The following ITPR2 variants were observed in gnomAD, a reference collection of about 807,000 sequenced individuals.
ITPR2 encodes inositol 1,4,5-trisphosphate-gated calcium channel ITPR2.
Under a neutral mutation model 317.1 loss-of-function variants are expected in ITPR2, and 207 were observed. That is an observed-to-expected ratio of 0.65 (90% CI 0.58 to 0.73). The LOEUF (loss-of-function observed/expected upper bound fraction) is 0.73, where lower values mean the gene tolerates loss of function less well. Ranked by LOEUF, ITPR2 falls within the 30% of genes least tolerant of loss-of-function variation. The pLI, the probability that ITPR2 is intolerant of heterozygous loss-of-function variation, is 0.00. For missense variants in ITPR2, 2,613 were observed against 3,284.0 expected, an observed-to-expected ratio of 0.80 and a Z score of 4.99; for synonymous variants, 1,156 against 1,149.1, an observed-to-expected ratio of 1.01 and a Z score of -0.12.
intron 2 of ITPR2, among the ~76,000 whole-genome samples, chr12:26,780,683 T>C (rs903886858): frequency 3.9e-5 from 6 of 152,130 alleles, no homozygotes; most frequent in African/African-American, 1.4e-4. Flanking sequence ...GCATCCAATA[T>C]ATGGCACTGT....
chr12:26,470,362 G>A (rs867630695), intron 45 of ITPR2, among the ~76,000 whole-genome samples: 5 of 152,104 alleles, frequency 3.3e-5, no homozygotes, highest in Non-Finnish European at 5.9e-5. Context: ...AAATGATCTC[G>A]AGGTGCTGAA....
At position 26,428,080 on chromosome 12, in the gene ITPR2, A is replaced by G. The variant is rs141830513; in HGVS notation, c.6778T>C (p.Ser2260Pro). The part of the protein sequence containing the change: ...FGDDGDEGTL[S>P]PLFSVLLWIA... ...CAAAGAAGAACCGAGAACAATGGAG[A>G]AAGTGTACCTGTAAAATGTGGAAGA... The change falls in exon 49 of 57, where the codon TCT (serine) becomes CCT (proline). Residue 2260 changes from serine to proline, a missense_variant. Ser to Pro is a moderately conservative substitution (Grantham distance 74). Transcript: ENST00000381340. 5.2e-5 allele frequency: 83 copies of G among 1,592,768 alleles called. No individual in the cohort carries two copies. In the African/African-American group the frequency reaches 8.6e-4, roughly 16 times the overall value.
intron 55 of ITPR2, among the ~76,000 whole-genome samples, chr12:26,379,492 T>C: frequency 6.6e-6 from 1 of 152,228 alleles, no homozygotes; most frequent in Non-Finnish European, 1.5e-5. Context: ...AAAGTGCAGT[T>C]ATACCCAGTA....
chr12:26,713,573 A>C (rs928543227), intron 8 of ITPR2, among the ~76,000 whole-genome samples: 2 of 152,234 alleles, frequency 1.3e-5, no homozygotes, highest in African/African-American at 4.8e-5. Flanking sequence ...CCAACTATGC[A>C]TTTTGATGGA....
At chr12:26,367,047 G>T (rs1267754206) in intron 55 of ITPR2, among the ~76,000 whole-genome samples, 3 of 152,096 alleles carry the variant, frequency 2.0e-5, no homozygotes, top group Non-Finnish European at 4.4e-5. Context: ...TATAATTCTT[G>T]ATCTATTGAA....
Position 26,757,103 on chromosome 12 carries a change from T to G in ITPR2, c.164-31338A>C, listed in dbSNP as rs565503419. On this transcript the variant is annotated intron_variant, in intron 2 of 56. Transcript: ENST00000381340. ...CTATATGGTCTAAAAAGGGGAGGCA[T>G]GAATGATCCACCTCTTGTTTAGCAT... Among the ~76,000 whole-genome samples the G allele has an allele frequency of 3.3e-5, 5 of 152,302 alleles. 1 individual carries two copies. The South Asian group carries it at 1.0e-3, about 32-fold the overall frequency.
intron 52 of ITPR2, among the ~76,000 whole-genome samples, chr12:26,405,725 T>C (rs1940326069): frequency 6.6e-6 from 1 of 152,112 alleles, no homozygotes; most frequent in Admixed American, 6.6e-5. Flanking sequence ...TGAACACCTC[T>C]TGTGGGTGGA....
At chr12:26,452,673 AT>A (rs1373109014) in intron 45 of ITPR2, among the ~76,000 whole-genome samples, 1 of 152,138 alleles carries the variant, frequency 6.6e-6, no homozygotes, top group Non-Finnish European at 1.5e-5. Context: ...AAGGAACCGG[AT>A]TTGGTATCTT....
chr12:26,385,201 C>A (rs958080817), intron 55 of ITPR2, among the ~76,000 whole-genome samples: 3 of 152,158 alleles, frequency 2.0e-5, no homozygotes, highest in African/African-American at 7.2e-5. Flanking sequence ...ATACTCCTGG[C>A]TCCAAGGCTC....
intron 5 of ITPR2, among the ~76,000 whole-genome samples, chr12:26,717,606 T>G (rs1043233623): frequency 6.6e-6 from 1 of 152,180 alleles, no homozygotes; most frequent in Admixed American, 6.6e-5. Flanking sequence ...GGAGCAGTAT[T>G]AAGTGAAAAG....
intron 26 of ITPR2, among the ~76,000 whole-genome samples, chr12:26,605,435 A>T (rs188049640): frequency 1.1e-3 from 164 of 152,244 alleles, no homozygotes; most frequent in Non-Finnish European, 1.3e-3. Context: ...ACACACAAAC[A>T]CACACACTTG....
intron 37 of ITPR2, among the ~76,000 whole-genome samples, chr12:26,537,408 A>T (rs1944127820): frequency 6.6e-6 from 1 of 152,194 alleles, no homozygotes. Flanking sequence ...CTAAAGAAGC[A>T]TCCTCAAAGG....
intron 36 of ITPR2, 46 bp from the exon 37 acceptor site, chr12:26,550,401 C>A: frequency 1.2e-6 from 1 of 837,298 alleles, no homozygotes; most frequent in East Asian, 2.5e-5. Flanking sequence ...GATTTCTCTT[C>A]AAGCTATATA....
chr12:26,422,292 ATTATTGAATAATAATAATACT>A (rs1940924698), intron 49 of ITPR2, among the ~76,000 whole-genome samples: 1 of 149,296 alleles, frequency 6.7e-6, no homozygotes, highest in East Asian at 2.0e-4. Flanking sequence ...TTGAATAATT[ATTATTGAATAATAATAATACT>A]TTATTGAATA....
At chr12:26,483,620 T>A in intron 42 of ITPR2, 78 bp downstream of exon 42, 2 of 1,019,660 alleles carry the variant, frequency 2.0e-6, no homozygotes, top group Admixed American at 1.9e-5. Context: ...AGAAGAAAGA[T>A]CTTTCAAGTG....
chr12:26,639,712 T>G (rs1235202928), intron 21 of ITPR2, among the ~76,000 whole-genome samples: 1 of 148,272 alleles, frequency 6.7e-6, no homozygotes, highest in Non-Finnish European at 1.5e-5. Flanking sequence ...TGAGTGAGAA[T>G]ATGCGGTGTT....
chr12:26,436,084 A>T, intron 48 of ITPR2, 137 bp downstream of exon 48: 1 of 787,046 alleles, frequency 1.3e-6, no homozygotes, highest in Non-Finnish European at 1.9e-6. Flanking sequence ...TGCCTGTTCT[A>T]TTTACTATCA....
At chr12:26,740,421 C>T (rs1454114432) in intron 2 of ITPR2, among the ~76,000 whole-genome samples, 1 of 152,106 alleles carries the variant, frequency 6.6e-6, no homozygotes, top group South Asian at 2.1e-4. Context: ...ATTCTAAAAA[C>T]TGGAAGATAA....
rs1945928527 is a variant in ITPR2, at chr12:26,599,133, C to A, written c.4002+12G>T. 6.2e-7 allele frequency: 1 copy of A among 1,612,860 alleles called. No homozygotes were observed. The highest frequency in any genetic ancestry group is 1.3e-5 in the African/African-American group (1 of 74,896). ...TTAGGTGAAGCTGATAAAAGGCAAA[C>A]TGAGAACATACCTCTGTCATTACCA... On this transcript the variant is annotated intron_variant, in intron 30 of 56. Coordinates refer to ENST00000381340, the MANE Select transcript of ITPR2 (RefSeq NM_002223.4).
Sources: gnomAD v4.1 joint callset for allele counts (sites outside exome capture counted in the v4.1 genomes callset) on GRCh38, gnomAD v4.1.1 for gene constraint, MANE v1.5 for transcripts, NCBI Gene and HGNC (gene_info 2026-07-23, HGNC 2026-07-21) for gene names.